The following ANKRD28 variants were observed in gnomAD, a reference collection of about 807,000 sequenced individuals.
The protein encoded by ANKRD28 is ankyrin repeat domain 28, also known as serine/threonine-protein phosphatase 6 regulatory ankyrin repeat subunit A.
A neutral mutation model predicts 126.5 loss-of-function variants in ANKRD28; 44 were observed. That is an observed-to-expected ratio of 0.35 (90% CI 0.27 to 0.45). The LOEUF (loss-of-function observed/expected upper bound fraction) is 0.45. Among genes scored for constraint, ANKRD28 ranks in the 20% least tolerant of loss-of-function variants. ANKRD28 has a pLI of 1.00. For synonymous variants in ANKRD28, 442 were observed against 468.5 expected (o/e 0.94, Z 0.73); for missense variants, 1,110 against 1,316.6 (o/e 0.84, Z 2.43).
chr3:15,849,093 C>G (rs1438669354), intron 1 of ANKRD28, among the ~76,000 whole-genome samples: 2 of 151,990 alleles, frequency 1.3e-5, no homozygotes, highest in Admixed American at 6.5e-5. Context: ...ATTTTAAAAC[C>G]TTAGAAATTT....
intron 21 of ANKRD28, 118 bp downstream of exon 21, chr3:15,685,108 C>T (rs923863077): frequency 5.1e-6 from 5 of 982,004 alleles, no homozygotes; most frequent in Non-Finnish European, 7.8e-6. Context: ...TGAGCCTATA[C>T]AGTAGATTAT....
At chr3:15,744,527 G>A (rs182814968) in intron 4 of ANKRD28, among the ~76,000 whole-genome samples, 681 of 148,832 alleles carry the variant, frequency 4.6e-3, no homozygotes, top group South Asian at 6.3e-3. Flanking sequence ...ATGTTGGCCA[G>A]GCTGGTCTTG....
rs568936528 is a variant in ANKRD28 at position 15,742,394 on chromosome 3, G to A, written c.352-5161C>T. Among the ~76,000 whole-genome samples the A allele has an allele frequency of 1.0e-3, 150 of 147,646 alleles. 2 individuals carry two copies. The East Asian group carries it at 0.025, about 24-fold the overall frequency. ...GGGAGCGCCTCTGCCCCGCCGCCCCGTCTGGGATGTGAGAAGCGCCTCTAC... is the reference window on the plus strand; with the variant it reads ...GGGAGCGCCTCTGCCCCGCCGCCCCATCTGGGATGTGAGAAGCGCCTCTAC... On this transcript the variant is annotated intron_variant, in intron 4 of 27. Transcript: ENST00000683139.
At chr3:15,798,658 G>C (rs1210489016), upstream of ANKRD28, among the ~76,000 whole-genome samples, 1 of 151,840 alleles carries the variant, frequency 6.6e-6, no homozygotes, top group African/African-American at 2.4e-5. Flanking sequence ...AAAAAAAAAT[G>C]TCCTTCGTCC....
At chr3:15,841,353 T>C (rs2061422213) in intron 1 of ANKRD28, among the ~76,000 whole-genome samples, 1 of 152,036 alleles carries the variant, frequency 6.6e-6, no homozygotes, top group African/African-American at 2.4e-5. Flanking sequence ...TGGGGTCACA[T>C]CAAGTTAAAA....
At chr3:15,767,122 C>A (rs1472679344) in intron 2 of ANKRD28, among the ~76,000 whole-genome samples, 1 of 152,118 alleles carries the variant, frequency 6.6e-6, no homozygotes, top group Admixed American at 6.5e-5. Context: ...AAAATACATA[C>A]TCATCCAAAT....
At chr3:15,771,014 T>C (rs1200689317) in intron 2 of ANKRD28, among the ~76,000 whole-genome samples, 2 of 152,184 alleles carry the variant, frequency 1.3e-5, no homozygotes, top group African/African-American at 2.4e-5. Context: ...GGATGAACAT[T>C]GTATCAGTCT....
intron 7 of ANKRD28, among the ~76,000 whole-genome samples, chr3:15,723,343 TTA>T (rs2073919887): frequency 6.6e-6 from 1 of 152,248 alleles, no homozygotes; most frequent in Non-Finnish European, 1.5e-5. Context: ...CCTACTTTTC[TTA>T]GTTTTTTGTA....
chr3:15,859,324 T>C, intron 1 of ANKRD28: 1 of 1,514,786 alleles, frequency 6.6e-7, no homozygotes, highest in Non-Finnish European at 8.8e-7. Flanking sequence ...CGGTCCGCCC[T>C]GCTTCCCTTC....
intron 1 of ANKRD28, among the ~76,000 whole-genome samples, chr3:15,832,280 T>C (rs1387801688): frequency 1.3e-5 from 2 of 152,162 alleles, no homozygotes; most frequent in African/African-American, 4.8e-5. Flanking sequence ...TAAGTGAAAA[T>C]ATTATTTTGC....
intron 5 of ANKRD28, 63 bp from the exon 6 acceptor site, chr3:15,735,560 T>C (rs2074961086): frequency 1.6e-6 from 2 of 1,261,492 alleles, no homozygotes; most frequent in East Asian, 5.1e-5. Context: ...TGAATGTACA[T>C]TTCTGACAGT....
At position 15,762,211 on chromosome 3, in the gene ANKRD28, A is replaced by AC. The variant is rs2058510388; in HGVS notation, c.280+4022_280+4023insG. On this transcript the variant is annotated intron_variant, in intron 3 of 27. Coordinates refer to ENST00000683139, the MANE Select transcript of ANKRD28 (RefSeq NM_001349278.2). ...TTTAAAAAAAAAAAAAAAAAAAAAA[A>AC]AACAAAACAAAAAAAAAAAAACTCT... Among the ~76,000 whole-genome samples, 3 of 34,740 alleles carry AC rather than the reference A, an allele frequency of 8.6e-5. No individual in the cohort carries two copies. The East Asian group carries it at 3.7e-3, about 43-fold the overall frequency. 22.8% of individuals were successfully genotyped at this position (34,740 alleles called of 152,430 possible).
At chr3:15,695,704 G>A (rs988576435) in intron 15 of ANKRD28, among the ~76,000 whole-genome samples, 10 of 152,056 alleles carry the variant, frequency 6.6e-5, no homozygotes, top group African/African-American at 2.4e-4. Context: ...AAATAAAAAC[G>A]TCCTCTGCAG....
chr3:15,720,097 C>G (rs1441774097), intron 8 of ANKRD28, among the ~76,000 whole-genome samples: 1 of 152,076 alleles, frequency 6.6e-6, no homozygotes, highest in African/African-American at 2.4e-5. Context: ...TTCCTAGGCT[C>G]AAGTGATCCT....
intron 1 of ANKRD28, among the ~76,000 whole-genome samples, chr3:15,822,317 C>T (rs911250840): frequency 6.6e-6 from 1 of 152,032 alleles, no homozygotes; most frequent in Non-Finnish European, 1.5e-5. Context: ...GGGGGGAGAT[C>T]GAGGCATTTA....
At chr3:15,788,709 C>T (rs2059892758) in intron 2 of ANKRD28, among the ~76,000 whole-genome samples, 1 of 152,054 alleles carries the variant, frequency 6.6e-6, no homozygotes, top group Non-Finnish European at 1.5e-5. Context: ...TTGGGTTCTA[C>T]AACATGGCAT....
chr3:15,815,047 T>G lies in ANKRD28; in HGVS notation c.28-19741A>C, dbSNP rs1361488630. Among the ~76,000 whole-genome samples, 5 of 151,666 alleles carry G rather than the reference T, an allele frequency of 3.3e-5. No individual in the cohort carries two copies. Among genetic ancestry groups the G allele is most frequent in the Admixed American group, 3.3e-4 (5 of 15,222 alleles). ...TTCAAAAATACTGTATTTAATTTCC[T>G]AAGAGTAAATATTTGGGTTGCTTCT... On this transcript the variant is annotated intron_variant, in intron 1 of 27. Transcript: ENST00000399451. The surrounding 1 kb of genome is among the most constrained non-coding windows in gnomAD (Gnocchi z 4.1).
intron 6 of ANKRD28, among the ~76,000 whole-genome samples, chr3:15,727,475 G>A (rs2074252906): frequency 6.9e-6 from 1 of 145,808 alleles, no homozygotes; most frequent in South Asian, 2.2e-4. Context: ...GCTGAGGCAG[G>A]AGAATCACTT....
At chr3:15,676,150 G>C in intron 26 of ANKRD28, 161 bp from the exon 27 acceptor site, 1 of 514,162 alleles carries the variant, frequency 1.9e-6, no homozygotes, top group East Asian at 3.1e-5. Context: ...AGGGAGAGCA[G>C]AACCTCTGTG....
Sources: allele counts gnomAD v4.1 joint callset (sites outside exome capture counted in the v4.1 genomes callset), GRCh38; gene constraint gnomAD v4.1.1; non-coding constraint Gnocchi (gnomAD v3.1); transcripts MANE v1.5; gene names NCBI Gene and HGNC (gene_info 2026-07-23, HGNC 2026-07-21).